SUGCT: variants seen among roughly 807,000 people sequenced by gnomAD.
SUGCT encodes the protein succinyl-CoA:glutarate CoA-transferase.
A neutral mutation model predicts 55.0 loss-of-function variants in SUGCT; 41 were observed. The ratio of observed to expected loss-of-function variants is 0.74; its 90% CI spans 0.58 to 0.97. The LOEUF (loss-of-function observed/expected upper bound fraction) is 0.97, where lower values mean the gene tolerates loss of function less well. Ranked by LOEUF, SUGCT falls within the 50% of genes least tolerant of loss-of-function variation. The pLI is 0.00. For synonymous variants in SUGCT, 187 were observed against 200.4 expected (o/e 0.93, Z 0.56); for missense variants, 568 against 547.8 (o/e 1.04, Z -0.37).
intron 12 of SUGCT, among the ~76,000 whole-genome samples, chr7:40,600,664 C>CT (rs941489015): frequency 6.0e-5 from 9 of 150,762 alleles, no homozygotes; most frequent in Non-Finnish European, 7.4e-5. Context: ...AACCACTTTT[C>CT]TTTTTTTCTT....
intron 1 of SUGCT, among the ~76,000 whole-genome samples, chr7:40,135,769 G>C (rs1252378066): frequency 6.6e-6 from 1 of 151,792 alleles, no homozygotes; most frequent in Non-Finnish European, 1.5e-5. Context: ...AGATTTTCCT[G>C]CTTCAGCCTT....
In SUGCT at chr7:40,459,162, A is replaced by G; in HGVS notation, c.950A>G (p.His317Arg). Residue 317 changes from histidine to arginine, a missense_variant, in exon 11 of 14, where the codon CAC becomes CGC. His to Arg is a conservative substitution (Grantham distance 29). Coordinates refer to ENST00000335693, the MANE Select transcript of SUGCT (RefSeq NM_001193313.2). ...TATAAAACTAACCACCTTCGGGTAC[A>G]CAATAGAAAAGAGCTTATTAAAATA... ...SKYKTNHLRV[H>R]NRKELIKILS... 3 of 1,610,948 alleles carry G rather than the reference A, an allele frequency of 1.9e-6. No homozygotes were observed. The highest frequency in any genetic ancestry group is 8.5e-7 in the Non-Finnish European group (1 of 1,177,900).
chr7:40,904,879 T>G, the SUGCT span, among the ~76,000 whole-genome samples: 1 of 152,240 alleles, frequency 6.6e-6, no homozygotes, highest in Non-Finnish European at 1.5e-5. Context: ...CTTTCTACTT[T>G]GATAACACCA....
At position 40,593,301 on chromosome 7, in the gene SUGCT, C is replaced by T. The variant is rs115134625; in HGVS notation, c.1089+96915C>T. Among the ~76,000 whole-genome samples, 851 of 152,224 alleles carry T rather than the reference C, an allele frequency of 5.6e-3. 12 individuals carry two copies. The highest frequency in any genetic ancestry group is 0.019 in the African/African-American group (796 of 41,538). On this transcript the variant is annotated intron_variant, in intron 12 of 13. Coordinates refer to ENST00000335693, the MANE Select transcript of SUGCT (RefSeq NM_001193313.2). ...TTTCTCTCCGTTGCCTCCCCAAACC[C>T]ACACCATCCCACATGCCCAGCAACC...
At chr7:40,971,881 C>CT in the SUGCT span, among the ~76,000 whole-genome samples, 67 of 152,000 alleles carry the variant, frequency 4.4e-4, no homozygotes, top group African/African-American at 6.0e-4. Flanking sequence ...GTCATATGCT[C>CT]TTTTTTTTAG....
At chr7:40,621,307 A>G (rs369694750) in intron 12 of SUGCT, among the ~76,000 whole-genome samples, 11 of 152,160 alleles carry the variant, frequency 7.2e-5, no homozygotes, top group African/African-American at 2.6e-4. Flanking sequence ...GAGCTTTCTT[A>G]TGTGTGTTAT....
At chr7:40,272,141 CATATATATATATAT>C (rs58480323) in intron 7 of SUGCT, among the ~76,000 whole-genome samples, 1,441 of 46,572 alleles carry the variant, frequency 0.031, 32 homozygotes, top group Non-Finnish European at 0.044. Context: ...TGCAATGTGA[CATATATATATATAT>C]ATATATATAT....
chr7:40,845,244 G>A (rs1420700094), intron 13 of SUGCT, among the ~76,000 whole-genome samples: 1 of 152,148 alleles, frequency 6.6e-6, no homozygotes, highest in African/African-American at 2.4e-5. Flanking sequence ...GTTATAGGGA[G>A]TCAAAGAAGG....
At chr7:41,002,554 G>A in the SUGCT span, among the ~76,000 whole-genome samples, 1 of 152,130 alleles carries the variant, frequency 6.6e-6, no homozygotes, top group African/African-American at 2.4e-5. Context: ...ACCCAAGGAG[G>A]GCTGCCTGGC....
chr7:40,305,497 A>G (rs1245439218), intron 8 of SUGCT, among the ~76,000 whole-genome samples: 1 of 152,190 alleles, frequency 6.6e-6, no homozygotes, highest in South Asian at 2.1e-4. Flanking sequence ...TCCAGAAGAC[A>G]AAATGACCCA....
At chr7:40,260,963 G>A (rs1298063745) in intron 7 of SUGCT, among the ~76,000 whole-genome samples, 1 of 152,082 alleles carries the variant, frequency 6.6e-6, no homozygotes, top group African/African-American at 2.4e-5. Context: ...TTAAAGCAAG[G>A]AACCCCACCC....
chr7:40,606,948 A>G (rs1244137101), intron 12 of SUGCT, among the ~76,000 whole-genome samples: 2 of 152,180 alleles, frequency 1.3e-5, no homozygotes, highest in African/African-American at 4.8e-5. Context: ...CTTTTTATGT[A>G]TTCATATGCA....
rs193023834 is a variant in SUGCT at position 40,180,972 on chromosome 7, A to C, written c.126A>C (p.Glu42Asp). 2.5e-3 allele frequency: 4,009 copies of C among 1,610,652 alleles called. 11 individuals are homozygous for C. Among genetic ancestry groups the C allele is most frequent in the Non-Finnish European group, 3.2e-3 (3,714 of 1,177,192 alleles). Residue 42 changes from glutamate to aspartate, a missense_variant, in exon 2 of 14, where the codon GAA becomes GAC. By Grantham distance (45) the Glu-to-Asp change is conservative (BLOSUM62 2). Coordinates refer to ENST00000335693, the MANE Select transcript of SUGCT (RefSeq NM_001193313.2). ...QSDMNNIKPL[E>D]GVKILDLTRV... ...ATATGAACAATATAAAGCCATTGGA[A>C]GGGGTAAAAATTCTGGATCTAACAA...
chr7:40,591,813 T>C (rs1562885268), intron 12 of SUGCT, among the ~76,000 whole-genome samples: 1 of 152,208 alleles, frequency 6.6e-6, no homozygotes, highest in Non-Finnish European at 1.5e-5. Flanking sequence ...AATAAAATAT[T>C]TTTAAATTAA....
At chr7:40,297,618 G>T (rs1794247133) in intron 8 of SUGCT, among the ~76,000 whole-genome samples, 1 of 152,130 alleles carries the variant, frequency 6.6e-6, no homozygotes, top group African/African-American at 2.4e-5. Context: ...CAGACCTTTA[G>T]CATTAAATTG....
chr7:41,027,010 C>A, the SUGCT span, among the ~76,000 whole-genome samples: 11 of 151,876 alleles, frequency 7.2e-5, no homozygotes, highest in Non-Finnish European at 1.5e-4. Context: ...CCAGCCTGGG[C>A]GACAGAGCAA....
chr7:40,366,264 C>T (rs887518457), intron 9 of SUGCT, among the ~76,000 whole-genome samples: 1 of 152,092 alleles, frequency 6.6e-6, no homozygotes, highest in African/African-American at 2.4e-5. Flanking sequence ...AAAATTAATT[C>T]AAGATGGATT....
At chr7:40,256,714 A>C (rs1003112078) in intron 7 of SUGCT, among the ~76,000 whole-genome samples, 1 of 152,044 alleles carries the variant, frequency 6.6e-6, no homozygotes, top group Non-Finnish European at 1.5e-5. Flanking sequence ...AAATGTAATC[A>C]CATTTGGAAT....
At chr7:40,832,558 T>C (rs940538851) in intron 13 of SUGCT, among the ~76,000 whole-genome samples, 1 of 141,592 alleles carries the variant, frequency 7.1e-6, no homozygotes, top group African/African-American at 2.6e-5. Context: ...CCAGGGTTTT[T>C]TTTGTTTTTT....
Sources: allele counts gnomAD v4.1 joint callset (sites outside exome capture counted in the v4.1 genomes callset), GRCh38; gene constraint gnomAD v4.1.1; transcripts MANE v1.5; gene names NCBI Gene and HGNC (gene_info 2026-07-23, HGNC 2026-07-21).